FBXO11: variants seen among roughly 807,000 people sequenced by gnomAD.
The protein encoded by FBXO11 is F-box protein 11.
In FBXO11, 13 loss-of-function variants were observed where a neutral mutation model predicts 117.0. The ratio of observed to expected loss-of-function variants is 0.11; its 90% confidence interval spans 0.07 to 0.18. The LOEUF (loss-of-function observed/expected upper bound fraction) is 0.18. Ranked by LOEUF, FBXO11 falls within the 10% of genes least tolerant of loss-of-function variation. FBXO11 has a pLI of 1.00. For synonymous variants in FBXO11, 490 were observed against 380.5 expected (o/e 1.29, Z -3.35); for missense variants, 767 against 1,164.4 (o/e 0.66, Z 4.97).
At chr2:47,881,536 T>C (rs1676431932) in intron 1 of FBXO11, among the ~76,000 whole-genome samples, 1 of 152,182 alleles carries the variant, frequency 6.6e-6, no homozygotes, top group East Asian at 1.9e-4. Flanking sequence ...AATAGCATTA[T>C]CTTTAGTGTT....
rs537356263 is a variant in FBXO11, at chr2:47,861,533, A to G, written c.233-21764T>C. Among the ~76,000 whole-genome samples the G allele has an allele frequency of 2.0e-5, 3 of 152,092 alleles. No homozygotes were observed. In the South Asian group the frequency reaches 6.2e-4, roughly 32 times the overall value. ...GATGGTGTCTTGCTGTATTGCCCTGACTGGTCTTGAATTTCTGGGCTCAAG... is the reference window on the plus strand; with the variant it reads ...GATGGTGTCTTGCTGTATTGCCCTGGCTGGTCTTGAATTTCTGGGCTCAAG... On this transcript the variant is annotated intron_variant, in intron 1 of 22. Coordinates refer to ENST00000403359, the MANE Select transcript of FBXO11 (RefSeq NM_001190274.2).
chr2:47,875,091 T>C lies in FBXO11; in HGVS notation c.232+30398A>G, dbSNP rs145855366. Among the ~76,000 whole-genome samples, 1,040 of 152,286 alleles carry C rather than the reference T, an allele frequency of 6.8e-3. 7 individuals carry two copies. Among genetic ancestry groups the C allele is most frequent in the African/African-American group, 0.024 (996 of 41,550 alleles). On this transcript the variant is annotated intron_variant, in intron 1 of 22. Coordinates refer to ENST00000403359, the MANE Select transcript of FBXO11 (RefSeq NM_001190274.2). ...CAATTTCACTATCATTATTGGCGTA[T>C]GGAACAGCAATATCTAATATAACTT...
chr2:47,855,050 T>C (rs927250871), intron 1 of FBXO11, among the ~76,000 whole-genome samples: 17 of 152,052 alleles, frequency 1.1e-4, no homozygotes, highest in Admixed American at 3.3e-4. Flanking sequence ...AAGAACAAAA[T>C]AGAACATGAA....
chr2:47,847,016 G>A (rs1267002541), intron 1 of FBXO11, among the ~76,000 whole-genome samples: 2 of 152,192 alleles, frequency 1.3e-5, no homozygotes, highest in East Asian at 1.9e-4. Context: ...AGGCCAAGGA[G>A]GCACTTCATC....
chr2:47,809,661 C>A lies in FBXO11; in HGVS notation c.2385G>T (p.Gln795His), dbSNP rs1248577579. The change falls in exon 20 of 23, where the codon CAG becomes CAT. Residue 795 changes from glutamine to histidine, a missense_variant. This residue lies in a region of FBXO11 where 66 missense variants were observed against 82.7 expected (regional missense o/e 0.80). Coordinates refer to ENST00000403359, the MANE Select transcript of FBXO11 (RefSeq NM_001190274.2). The part of the protein sequence containing the change: ...NHATATLEGN[Q>H]IFNNRFGGLF... ...AGCCTCCAAACCGGTTGTTAAAAAT[C>A]TGATTGCCTTCTAGTGTTGCAGTTG... is the stretch of plus-strand genomic sequence containing the variant. The A allele has an allele frequency of 1.2e-6, 2 of 1,613,650 alleles. No homozygotes were observed. Among genetic ancestry groups the A allele is most frequent in the Non-Finnish European group, 1.7e-6 (2 of 1,179,852 alleles).
At chr2:47,811,038 A>G (rs1227141353) in intron 18 of FBXO11, 1 of 152,170 alleles carries the variant, frequency 6.6e-6, no homozygotes, top group African/African-American at 2.4e-5. Flanking sequence ...TAGACATTTA[A>G]TCCCTCTGGT....
Position 47,905,971 on chromosome 2 carries a change from C to T in FBXO11, c.-251G>A, listed in dbSNP as rs1678785290. 1.7e-5 allele frequency: 7 copies of T among 418,062 alleles called. No individual in the cohort carries two copies. In the South Asian group the frequency reaches 2.5e-4, roughly 15 times the overall value. The allele number at this position is 418,062 out of a possible 1,614,324, so 25.9% of individuals were successfully genotyped here. The stretch of plus-strand genomic sequence containing the variant: ...GACGCACGGGGAAGGCCGAAGCCGC[C>T]GGGCGGGGCGGCCGCGAGGGACGAA... On this transcript the variant is annotated 5_prime_UTR_variant, in exon 1 of 23. Transcript: ENST00000403359.
rs193287256 is a variant in FBXO11, at chr2:47,854,357, C to T, written c.233-14588G>A. Among the ~76,000 whole-genome samples the T allele has an allele frequency of 9.9e-5, 15 of 151,372 alleles. No homozygotes were observed. The East Asian group carries it at 1.6e-3, about 16-fold the overall frequency. On this transcript the variant is annotated intron_variant, in intron 1 of 22. Coordinates refer to ENST00000403359, the MANE Select transcript of FBXO11 (RefSeq NM_001190274.2). Reference sequence around the variant, plus strand: ...TTCTCTCTACTTAATGTTTACTGTTCAGTCAAATCTCATGTTCTCTATAAA... The same window carrying T: ...TTCTCTCTACTTAATGTTTACTGTTTAGTCAAATCTCATGTTCTCTATAAA...
intron 1 of FBXO11, among the ~76,000 whole-genome samples, chr2:47,879,645 G>A (rs1463100273): frequency 6.6e-6 from 1 of 152,132 alleles, no homozygotes; most frequent in Non-Finnish European, 1.5e-5. Context: ...TATCAGGAAG[G>A]CTACCCTCTG....
chr2:47,861,191 C>T (rs1165840743), intron 1 of FBXO11, among the ~76,000 whole-genome samples: 1 of 152,018 alleles, frequency 6.6e-6, no homozygotes, highest in Non-Finnish European at 1.5e-5. Flanking sequence ...TGTAGCCGTC[C>T]TCAAACTTAG....
At chr2:47,842,047 G>A (rs1038378296) in intron 1 of FBXO11, among the ~76,000 whole-genome samples, 2 of 147,658 alleles carry the variant, frequency 1.4e-5, no homozygotes, top group East Asian at 2.0e-4. Context: ...ACAGAGTCTC[G>A]CCCTGTTGCC....
intron 1 of FBXO11, among the ~76,000 whole-genome samples, chr2:47,888,426 A>T (rs1677029418): frequency 6.6e-6 from 1 of 152,200 alleles, no homozygotes. Context: ...AAAGTATCTA[A>T]ACTAAGCTGA....
intron 1 of FBXO11, among the ~76,000 whole-genome samples, chr2:47,882,476 G>T (rs975069822): frequency 4.6e-5 from 7 of 152,034 alleles, no homozygotes; most frequent in Non-Finnish European, 1.0e-4. Context: ...TTGTTCTACT[G>T]TCATGTTTTG....
intron 1 of FBXO11, among the ~76,000 whole-genome samples, chr2:47,900,129 G>A (rs1368352036): frequency 4.6e-5 from 7 of 152,030 alleles, no homozygotes; most frequent in Admixed American, 2.6e-4. Context: ...TATCAGCAGA[G>A]CTCTTAGGCC....
In FBXO11 at chr2:47,905,629, G is replaced by GGCTGCTGCGGGGGCT. The variant is rs1678750001; in HGVS notation, c.77_91dup (p.Gln26_Gln30dup). ...CTGCTGCTGGGGCGGCTGCGGCGGC[G>GGCTGCTGCGGGGGCT]GCTGCTGCGGGGGCTGCTGCTGCTG... On this transcript the variant is annotated inframe_insertion, in exon 1 of 23. Transcript: ENST00000403359. The GGCTGCTGCGGGGGCT allele has an allele frequency of 9.3e-6, 13 of 1,392,680 alleles. No homozygotes were observed. Among genetic ancestry groups the GGCTGCTGCGGGGGCT allele is most frequent in the Non-Finnish European group, 1.2e-5 (13 of 1,070,978 alleles). 86.3% of individuals were successfully genotyped at this position (1,392,680 alleles called of 1,614,324 possible). A position where few individuals can be genotyped will look rare whatever the true frequency, so the allele number is the denominator to read the frequency against.
At position 47,839,637 on chromosome 2, in the gene FBXO11, G is replaced by C. The variant is rs756824715; in HGVS notation, c.360+5C>G. On this transcript the variant is annotated splice_donor_5th_base_variant and intron_variant, in intron 2 of 22. Transcript: ENST00000403359. ...AAAAAGAAAAGCAACTACAGTTAAA[G>C]TTACCTCCATACTGTTCTTTGTGGG... 2.7e-5 allele frequency: 43 copies of C among 1,610,194 alleles called. No individual in the cohort carries two copies. Among genetic ancestry groups the C allele is most frequent in the Admixed American group, 3.4e-5 (2 of 59,156 alleles).
intron 11 of FBXO11, among the ~76,000 whole-genome samples, chr2:47,831,113 T>A (rs1250055777): frequency 6.6e-6 from 1 of 151,154 alleles, no homozygotes; most frequent in African/African-American, 2.4e-5. Flanking sequence ...TCTAGTTTAG[T>A]TTAAAAAAAG....
intron 1 of FBXO11, among the ~76,000 whole-genome samples, chr2:47,863,091 C>CA (rs538912537): frequency 9.7e-4 from 137 of 141,668 alleles, no homozygotes; most frequent in African/African-American, 3.4e-3. Context: ...AAAAACAAAA[C>CA]AAAAAAAACC....
chr2:47,887,447 T>A (rs1676946054), intron 1 of FBXO11, among the ~76,000 whole-genome samples: 2 of 151,622 alleles, frequency 1.3e-5, no homozygotes, highest in South Asian at 4.2e-4. Context: ...AAATTCTATG[T>A]CCCGTGCCAG....
Sources: gnomAD v4.1 joint callset for allele counts (sites outside exome capture counted in the v4.1 genomes callset) on GRCh38, gnomAD v4.1.1 for gene constraint, gnomAD v4.1.1 regional missense constraint, MANE v1.5 for transcripts, NCBI Gene and HGNC (gene_info 2026-07-23, HGNC 2026-07-21) for gene names.